IHH: variants seen among roughly 807,000 people sequenced by gnomAD.
IHH encodes the protein Indian hedgehog signaling molecule.
A neutral mutation model predicts 29.4 loss-of-function variants in IHH; 9 were observed. That is an observed-to-expected ratio of 0.31 (90% CI 0.18 to 0.53). The LOEUF is 0.53. IHH is among the 20% of genes least tolerant of loss of function. The pLI, the probability that IHH is intolerant of heterozygous loss-of-function variation, is 0.95. For missense variants in IHH, 454 were observed against 578.1 expected (o/e 0.79, Z 2.20); for synonymous variants, 254 against 252.7 (o/e 1.01, Z -0.05).
Position 219,055,759 on chromosome 2 carries a change from A to C in IHH, c.684T>G (p.Arg228=). 8 of 1,613,686 alleles carry C rather than the reference A, an allele frequency of 5.0e-6. No individual in the cohort carries two copies. The highest frequency in any genetic ancestry group is 6.8e-6 in the Non-Finnish European group (8 of 1,179,966). ...VALSAVRPGD[R]VLAMGEDGSP... Reference sequence around the variant, plus strand: ...TCCCATCCTCCCCCATGGCCAGCACACGGTCTCCCGGCCTCACGGCTGACA... The same window carrying C: ...TCCCATCCTCCCCCATGGCCAGCACCCGGTCTCCCGGCCTCACGGCTGACA... Residue 228 remains arginine, a synonymous_variant, in exon 3 of 3, where the codon CGT becomes CGG. Coordinates refer to ENST00000295731, the MANE Select transcript of IHH (RefSeq NM_002181.4).
chr2:219,055,566 T>C lies in IHH; in HGVS notation c.877A>G (p.Thr293Ala), dbSNP rs969196812. ...HTEPAARFRA[T>A]FASHVQPGQY... ...CCAGGCTGCACGTGGCTGGCAAATG[T>C]GGCCCGGAAGCGGGCTGCCGGCTCC... Residue 293 changes from threonine (T) to alanine (A), a missense_variant, in exon 3 of 3, where the codon ACA becomes GCA. Coordinates refer to ENST00000295731, the MANE Select transcript of IHH (RefSeq NM_002181.4). The C allele has an allele frequency of 5.6e-6, 9 of 1,612,872 alleles. No individual in the cohort carries two copies. The highest frequency in any genetic ancestry group is 3.3e-5 in the South Asian group (3 of 91,070).
chr2:219,055,125 C>A lies in IHH; in HGVS notation c.*82G>T. On this transcript the variant is annotated 3_prime_UTR_variant, in exon 3 of 3. Coordinates refer to ENST00000295731, the MANE Select transcript of IHH (RefSeq NM_002181.4). ...GGAGCCAGTGTCCCCCAGCTCAGGT[C>A]CCTTCCAGGGCCAGCTCCCTCCTGG... is the stretch of plus-strand genomic sequence containing the variant. 1 of 1,451,012 alleles carries A rather than the reference C, an allele frequency of 6.9e-7. No individual in the cohort carries two copies. Among genetic ancestry groups the A allele is most frequent in the Non-Finnish European group, 9.4e-7 (1 of 1,059,780 alleles). 89.9% of individuals were successfully genotyped at this position (1,451,012 alleles called of 1,614,324 possible). A position where few individuals can be genotyped will look rare whatever the true frequency, so the allele number is the denominator to read the frequency against.
chr2:219,060,611 C>A lies in IHH; in HGVS notation c.-144G>T. The A allele has an allele frequency of 2.1e-6, 1 of 467,564 alleles. No homozygotes were observed. The highest frequency in any genetic ancestry group is 3.8e-5 in the East Asian group (1 of 26,294). The allele number at this position is 467,564 out of a possible 1,614,324, so 29.0% of individuals were successfully genotyped here. On this transcript the variant is annotated 5_prime_UTR_variant, in exon 1 of 3. Coordinates refer to ENST00000295731, the MANE Select transcript of IHH (RefSeq NM_002181.4). This position sits in a 1 kb window ranked among gnomAD's most constrained non-coding sequence, Gnocchi z 8.8. ...GGGCGCCATGGGCGGCGTGGTGCGG[C>A]CAGGGCCGGCGGGACTCAAGTGCGG...
Position 219,059,540 on chromosome 2 carries a change from C to T in IHH, c.315+613G>A, listed in dbSNP as rs1274751969. ...CCCACCCTTCCACCGCAGTAGCACCCCTCAGCTCTCCGGACAGACACGTGG... is the reference window on the plus strand; with the variant it reads ...CCCACCCTTCCACCGCAGTAGCACCTCTCAGCTCTCCGGACAGACACGTGG... On this transcript the variant is annotated intron_variant, in intron 1 of 2. Transcript: ENST00000295731. This position sits in a 1 kb window ranked among gnomAD's most constrained non-coding sequence, Gnocchi z 4.7. 1.3e-5 allele frequency among the ~76,000 whole-genome samples: 2 copies of T among 152,178 alleles called. No individual in the cohort carries two copies. The highest frequency in any genetic ancestry group is 4.8e-5 in the African/African-American group (2 of 41,434).
rs1948839718 is a variant in IHH, at chr2:219,057,302, C to T, written c.577+131G>A. ...CACGGTCAGGAGCAGCCTTGGAGAG[C>T]GCCGCTGATGTCCTCTTCCCCCGGA... On this transcript the variant is annotated intron_variant, in intron 2 of 2. Coordinates refer to ENST00000295731, the MANE Select transcript of IHH (RefSeq NM_002181.4). The T allele has an allele frequency of 5.7e-6, 6 of 1,058,998 alleles. No individual in the cohort carries two copies. The East Asian group carries it at 1.0e-4, about 18-fold the overall frequency. 65.6% of individuals were successfully genotyped at this position (1,058,998 alleles called of 1,614,324 possible).
chr2:219,060,790 G>A lies in IHH; in HGVS notation c.-323C>T, dbSNP rs1040413222. Among the ~76,000 whole-genome samples, 644 of 147,008 alleles carry A rather than the reference G, an allele frequency of 4.4e-3. 8 individuals carry two copies. Among genetic ancestry groups the A allele is most frequent in the Non-Finnish European group, 5.5e-3 (364 of 66,082 alleles). On this transcript the variant is annotated 5_prime_UTR_variant, in exon 1 of 3. Transcript: ENST00000295731. This position sits in a 1 kb window ranked among gnomAD's most constrained non-coding sequence, Gnocchi z 8.8. Reference sequence around the variant, plus strand: ...GGGGGCGGCGGGCGGCGGGGCTGCGGGCCGCCGGGCTGGGCTGGGCTGGCC... The same window carrying A: ...GGGGGCGGCGGGCGGCGGGGCTGCGAGCCGCCGGGCTGGGCTGGGCTGGCC...
rs146055831 is a variant in IHH at position 219,055,585 on chromosome 2, C to G, written c.858G>C (p.Pro286=). 12 of 1,613,356 alleles carry G rather than the reference C, an allele frequency of 7.4e-6. 1 individual carries two copies. The Admixed American group carries it at 1.7e-4, about 22-fold the overall frequency. ...CAAATGTGGCCCGGAAGCGGGCTGCCGGCTCCGTGTGATTGTCAGCCGTAA... is the reference window on the plus strand; with the variant it reads ...CAAATGTGGCCCGGAAGCGGGCTGCGGGCTCCGTGTGATTGTCAGCCGTAA... ...LLFTADNHTE[P]AARFRATFAS... The change falls in exon 3 of 3, where the codon CCG becomes CCC. Residue 286 remains proline (P), a synonymous_variant. Transcript: ENST00000295731.
At chr2:219,057,907 C>T (rs994133593) in intron 1 of IHH, among the ~76,000 whole-genome samples, 2 of 152,268 alleles carry the variant, frequency 1.3e-5, no homozygotes, top group Non-Finnish European at 2.9e-5. Context: ...CTGGACCGCA[C>T]GGCGGTATCA....
At position 219,060,338 on chromosome 2, in the gene IHH, G is replaced by T; in HGVS notation, c.130C>A (p.Leu44Ile). The change falls in exon 1 of 3, where the codon CTC becomes ATC. Residue 44 changes from leucine to isoleucine, a missense_variant. By Grantham distance (5) the Leu-to-Ile change is conservative. Transcript: ENST00000295731. This position sits in a 1 kb window ranked among gnomAD's most constrained non-coding sequence, Gnocchi z 8.8. ...AACTGCTTGTAGGCGAGCGGCACGA[G>T]TTTGCGTGGCGGTCGCCGGCGGCTG... ...VGSRRRPPRK[L>I]VPLAYKQFSP... The T allele has an allele frequency of 6.2e-7, 1 of 1,609,950 alleles. No individual in the cohort carries two copies. Among genetic ancestry groups the T allele is most frequent in the Non-Finnish European group, 8.5e-7 (1 of 1,179,458 alleles).
chr2:219,054,966 GGA>G lies in IHH; in HGVS notation c.*239_*240del. The G allele has an allele frequency of 1.7e-6, 1 of 576,420 alleles. No homozygotes were observed. Among genetic ancestry groups the G allele is most frequent in the African/African-American group, 1.9e-5 (1 of 53,548 alleles). The allele number at this position is 576,420 out of a possible 1,614,324, so 35.7% of individuals were successfully genotyped here. On this transcript the variant is annotated 3_prime_UTR_variant, in exon 3 of 3. Coordinates refer to ENST00000295731, the MANE Select transcript of IHH (RefSeq NM_002181.4). ...CGCCGTGCCAGCCTCAAGGTCTCTA[GGA>G]GAGAGGGGTCAACAACCATCCCCTC...
In IHH at chr2:219,060,060, C is replaced by T; in HGVS notation, c.315+93G>A. On this transcript the variant is annotated intron_variant, in intron 1 of 2. Transcript: ENST00000295731. The surrounding 1 kb of genome is among the most constrained non-coding windows in gnomAD (Gnocchi z 8.8). ...GAGGGGCAGGTGCCAGGGAGCGTGC[C>T]AGCCAGTCGAGAAAATGTGCCAGGG... The T allele has an allele frequency of 8.7e-7, 1 of 1,143,138 alleles. No individual in the cohort carries two copies. The highest frequency in any genetic ancestry group is 1.3e-6 in the Non-Finnish European group (1 of 791,528). The allele number at this position is 1,143,138 out of a possible 1,614,324, so 70.8% of individuals were successfully genotyped here.
chr2:219,054,818 A>C lies in IHH; in HGVS notation c.*389T>G. The C allele has an allele frequency of 3.8e-5, 9 of 237,158 alleles. No individual in the cohort carries two copies. Among genetic ancestry groups the C allele is most frequent in the East Asian group, 1.2e-4 (1 of 8,660 alleles). 14.7% of individuals were successfully genotyped at this position (237,158 alleles called of 1,614,324 possible). A position where few individuals can be genotyped will look rare whatever the true frequency, so the allele number is the denominator to read the frequency against. ...CCAGATCCATGCTGGCTCCCAGGGA[A>C]TTTAGCAGCATCAACTGAGGCGCAA... On this transcript the variant is annotated 3_prime_UTR_variant, in exon 3 of 3. Transcript: ENST00000295731.
chr2:219,055,133 G>C lies in IHH; in HGVS notation c.*74C>G. The C allele has an allele frequency of 6.7e-7, 1 of 1,499,850 alleles. No homozygotes were observed. The highest frequency in any genetic ancestry group is 9.1e-7 in the Non-Finnish European group (1 of 1,102,924). 92.9% of individuals were successfully genotyped at this position (1,499,850 alleles called of 1,614,324 possible). A position where few individuals can be genotyped will look rare whatever the true frequency, so the allele number is the denominator to read the frequency against. ...TGTCCCCCAGCTCAGGTCCCTTCCA[G>C]GGCCAGCTCCCTCCTGGCTGAGAGG... is the stretch of plus-strand genomic sequence containing the variant. On this transcript the variant is annotated 3_prime_UTR_variant, in exon 3 of 3. Transcript: ENST00000295731.
In IHH at chr2:219,059,931, G is replaced by T. The variant is rs1948865752; in HGVS notation, c.315+222C>A. On this transcript the variant is annotated intron_variant, in intron 1 of 2. Transcript: ENST00000295731. This position sits in a 1 kb window ranked among gnomAD's most constrained non-coding sequence, Gnocchi z 4.7. ...ACCTGCTGGGCTGTGGGGCTTGGCA[G>T]CGGGGAGCTCTTCTAGCAGTCTCCT... 6.6e-6 allele frequency among the ~76,000 whole-genome samples: 1 copy of T among 152,292 alleles called. No individual in the cohort carries two copies. The highest frequency in any genetic ancestry group is 2.4e-5 in the African/African-American group (1 of 41,570).
In IHH at chr2:219,060,538, C is replaced by T; in HGVS notation, c.-71G>A. Reference sequence around the variant, plus strand: ...TGATGGGCAGGCGCGTCGACGGGAGCGCTGCGGGGGCTCAGGCGTCCGGGT... The same window carrying T: ...TGATGGGCAGGCGCGTCGACGGGAGTGCTGCGGGGGCTCAGGCGTCCGGGT... On this transcript the variant is annotated 5_prime_UTR_variant, in exon 1 of 3. Transcript: ENST00000295731. The surrounding 1 kb of genome is among the most constrained non-coding windows in gnomAD (Gnocchi z 8.8). 1 of 1,162,974 alleles carries T rather than the reference C, an allele frequency of 8.6e-7. No homozygotes were observed. The highest frequency in any genetic ancestry group is 1.1e-6 in the Non-Finnish European group (1 of 894,302). The allele number at this position is 1,162,974 out of a possible 1,614,324, so 72.0% of individuals were successfully genotyped here.
In IHH at chr2:219,059,704, C is replaced by T. The variant is rs931062676; in HGVS notation, c.315+449G>A. ...CCAAGAGCGCACAGGGAGGAAAGGC[C>T]GTGGTGACCCTACGCACCCAGAGAT... On this transcript the variant is annotated intron_variant, in intron 1 of 2. Coordinates refer to ENST00000295731, the MANE Select transcript of IHH (RefSeq NM_002181.4). The surrounding 1 kb of genome is among the most constrained non-coding windows in gnomAD (Gnocchi z 4.7). Among the ~76,000 whole-genome samples, 4 of 152,174 alleles carry T rather than the reference C, an allele frequency of 2.6e-5. No homozygotes were observed. Among genetic ancestry groups the T allele is most frequent in the Admixed American group, 2.6e-4 (4 of 15,288 alleles).
chr2:219,057,862 T>C (rs1398844630), intron 1 of IHH, among the ~76,000 whole-genome samples, 168 bp from the exon 2 acceptor site: 1 of 152,170 alleles, frequency 6.6e-6, no homozygotes, highest in East Asian at 1.9e-4. Context: ...GGCCCTGAAG[T>C]GCTCCCTCCC....
intron 2 of IHH, 121 bp downstream of exon 2, chr2:219,057,312 G>C (rs1377715388): frequency 1.7e-6 from 2 of 1,169,268 alleles, no homozygotes; most frequent in African/African-American, 3.0e-5. Flanking sequence ...CGCCGCTGAT[G>C]TCCTCTTCCC....
Position 219,055,831 on chromosome 2 carries a change from G to A in IHH, c.612C>T (p.Phe204=), listed in dbSNP as rs750272078. 27 of 1,611,212 alleles carry A rather than the reference G, an allele frequency of 1.7e-5. No homozygotes were observed. Among genetic ancestry groups the A allele is most frequent in the Non-Finnish European group, 2.2e-5 (26 of 1,179,948 alleles). Residue 204 remains phenylalanine (F), a synonymous_variant, in exon 3 of 3, where the codon TTC becomes TTT. Transcript: ENST00000295731. ...CCAGGCGTACCTGGGCTCCGGCAGG[G>A]AAGCAGCCGCCCGTCTTGGCTGCGG... The part of the protein sequence containing the change: ...HSAAAKTGGC[F]PAGAQVRLES...
Sources: gnomAD v4.1 joint callset for allele counts (sites outside exome capture counted in the v4.1 genomes callset) on GRCh38, gnomAD v4.1.1 for gene constraint, Gnocchi (gnomAD v3.1) non-coding constraint, MANE v1.5 for transcripts, NCBI Gene and HGNC (gene_info 2026-07-23, HGNC 2026-07-21) for gene names.